The following LINGO2 variants were observed in gnomAD, a reference collection of about 807,000 sequenced individuals.
The protein encoded by LINGO2 is leucine-rich repeat and immunoglobulin-like domain-containing nogo receptor-interacting protein 2.
LINGO2 carries 14 observed loss-of-function variants against 30.6 expected under a neutral mutation model. The ratio of observed to expected loss-of-function variants is 0.46; its 90% CI spans 0.30 to 0.72. LINGO2 has a LOEUF of 0.72. Among genes scored for constraint, LINGO2 ranks in the 30% least tolerant of loss-of-function variants. LINGO2 has a pLI of 0.07. For synonymous variants in LINGO2, 317 were observed against 288.5 expected (o/e 1.10, Z -1.00); for missense variants, 729 against 751.7 (o/e 0.97, Z 0.35).
chr9:28,489,339 T>G (rs995547225), intron 1 of LINGO2, among the ~76,000 whole-genome samples: 1 of 152,032 alleles, frequency 6.6e-6, no homozygotes, highest in Non-Finnish European at 1.5e-5. Context: ...CTGGCTAATT[T>G]TTGTATTTTT....
At chr9:28,493,392 G>A (rs925548252) in intron 1 of LINGO2, among the ~76,000 whole-genome samples, 2 of 152,084 alleles carry the variant, frequency 1.3e-5, no homozygotes, top group Admixed American at 6.6e-5. Context: ...TAACAAGTGA[G>A]GATGGATATT....
intron 5 of LINGO2, among the ~76,000 whole-genome samples, chr9:27,981,415 A>G (rs143126119): frequency 1.4e-3 from 207 of 151,380 alleles, no homozygotes; most frequent in Middle Eastern, 6.8e-3. Flanking sequence ...TTTCTTTGAC[A>G]CTAAAGTTCG....
intron 4 of LINGO2, among the ~76,000 whole-genome samples, chr9:28,017,110 T>C (rs1822878441): frequency 6.6e-6 from 1 of 152,132 alleles, no homozygotes; most frequent in South Asian, 2.1e-4. Context: ...TTTCAATAGA[T>C]GCAGAAAAGG....
chr9:29,139,913 G>A, the LINGO2 span, among the ~76,000 whole-genome samples: 746 of 152,026 alleles, frequency 4.9e-3, 10 homozygotes, highest in African/African-American at 0.017. Context: ...CAGATGCAGA[G>A]AACCTGCAGA....
rs76410678 is a variant in LINGO2, at chr9:28,198,574, T to C, written c.-87+96634A>G. ...TCCTTTTCATTTTAAATATGCCAAG[T>C]GAGTTTTAAAAATGGAAGTGTCTTG... On this transcript the variant is annotated intron_variant, in intron 4 of 5. Coordinates refer to ENST00000379992, the Ensembl canonical transcript of LINGO2. Among the ~76,000 whole-genome samples the C allele has an allele frequency of 9.3e-3, 1,413 of 152,254 alleles. 16 individuals are homozygous for C. The highest frequency in any genetic ancestry group is 0.013 in the Non-Finnish European group (904 of 67,986).
At chr9:28,704,157 G>A in the LINGO2 span, among the ~76,000 whole-genome samples, 1 of 151,790 alleles carries the variant, frequency 6.6e-6, no homozygotes, top group Admixed American at 6.6e-5. Flanking sequence ...ATATTTACTT[G>A]TCTAAGAAAT....
chr9:28,674,761 C>A (rs1661188854), upstream of LINGO2, among the ~76,000 whole-genome samples: 1 of 152,090 alleles, frequency 6.6e-6, no homozygotes, highest in Non-Finnish European at 1.5e-5. Context: ...CAGGCTTTAA[C>A]ACATGATGCA....
At chr9:28,822,528 G>T in the LINGO2 span, among the ~76,000 whole-genome samples, 2 of 152,096 alleles carry the variant, frequency 1.3e-5, no homozygotes, top group African/African-American at 4.8e-5. Context: ...GGGAAAGGCA[G>T]ATCTGCCTTT....
chr9:28,454,618 G>C (rs1824776111), intron 2 of LINGO2, among the ~76,000 whole-genome samples: 1 of 151,762 alleles, frequency 6.6e-6, no homozygotes, highest in Admixed American at 6.6e-5. Flanking sequence ...TATATATTCT[G>C]TACTGTATAA....
chr9:28,993,186 C>A, the LINGO2 span, among the ~76,000 whole-genome samples: 2 of 152,104 alleles, frequency 1.3e-5, no homozygotes, highest in South Asian at 4.1e-4. Context: ...AAGGGGATAT[C>A]ACCACCAATC....
chr9:29,028,568 C>T, the LINGO2 span, among the ~76,000 whole-genome samples: 4 of 152,140 alleles, frequency 2.6e-5, no homozygotes, highest in East Asian at 5.8e-4. Flanking sequence ...TATTTATCCT[C>T]ACTTTGAATC....
the LINGO2 span, among the ~76,000 whole-genome samples, chr9:28,688,664 AT>A: frequency 1.3e-5 from 2 of 152,172 alleles, no homozygotes; most frequent in African/African-American, 4.8e-5. Context: ...TATTACATTA[AT>A]TTATTGTCAA....
At chr9:27,945,202 T>C (rs1823318030), downstream of LINGO2, among the ~76,000 whole-genome samples, 1 of 152,168 alleles carries the variant, frequency 6.6e-6, no homozygotes, top group African/African-American at 2.4e-5. Context: ...GGGACTTTAC[T>C]CAATTTTATT....
At chr9:29,156,757 A>T in the LINGO2 span, among the ~76,000 whole-genome samples, 1 of 152,054 alleles carries the variant, frequency 6.6e-6, no homozygotes, top group African/African-American at 2.4e-5. Flanking sequence ...CTTCTACTAC[A>T]ATGTTGTAGG....
the LINGO2 span, among the ~76,000 whole-genome samples, chr9:28,875,215 A>G: frequency 6.6e-6 from 1 of 152,106 alleles, no homozygotes; most frequent in Non-Finnish European, 1.5e-5. Flanking sequence ...AAATAGTACA[A>G]CTTACATCTC....
At chr9:28,246,207 T>C (rs901155476) in intron 4 of LINGO2, among the ~76,000 whole-genome samples, 6 of 152,146 alleles carry the variant, frequency 3.9e-5, no homozygotes, top group African/African-American at 1.4e-4. Flanking sequence ...AGGTGGATCA[T>C]GAAGTCAGGA....
chr9:28,179,337 T>C (rs1353357596), intron 4 of LINGO2, among the ~76,000 whole-genome samples: 3 of 94,376 alleles, frequency 3.2e-5, no homozygotes, highest in Non-Finnish European at 6.8e-5. Flanking sequence ...TGTATATATA[T>C]ACTATACTTT....
chr9:28,388,384 GTGTCTC>G (rs1393373076), intron 2 of LINGO2, among the ~76,000 whole-genome samples: 1 of 152,076 alleles, frequency 6.6e-6, no homozygotes, highest in East Asian at 1.9e-4. Context: ...GTTCACCCCT[GTGTCTC>G]CTGATTCAGA....
At chr9:28,804,343 G>A in the LINGO2 span, among the ~76,000 whole-genome samples, 1 of 152,176 alleles carries the variant, frequency 6.6e-6, no homozygotes, top group Non-Finnish European at 1.5e-5. Context: ...AAACGACCTA[G>A]AAATTCCTGC....
Sources: allele counts gnomAD v4.1 joint callset (sites outside exome capture counted in the v4.1 genomes callset), GRCh38; gene constraint gnomAD v4.1.1; transcripts MANE v1.5; gene names NCBI Gene and HGNC (gene_info 2026-07-23, HGNC 2026-07-21).